The following DNAH7 variants were observed in gnomAD, a reference collection of about 807,000 sequenced individuals.
The protein encoded by DNAH7 is axonemal beta dynein heavy chain 7.
In DNAH7, 397 loss-of-function variants were observed where a neutral mutation model predicts 444.6. The ratio of observed to expected loss-of-function variants is 0.89; its 90% CI spans 0.82 to 0.97. The LOEUF (loss-of-function observed/expected upper bound fraction) is 0.97. Ranked by LOEUF, DNAH7 falls within the 50% of genes least tolerant of loss-of-function variation. DNAH7 has a pLI of 0.00. For synonymous variants in DNAH7, 1,636 were observed against 1,624.4 expected, an observed-to-expected ratio of 1.01 and a Z score of -0.17; for missense variants, 4,902 against 4,800.8, an observed-to-expected ratio of 1.02 and a Z score of -0.62.
At chr2:195,943,056 A>G (rs1689566274) in intron 19 of DNAH7, among the ~76,000 whole-genome samples, 1 of 152,148 alleles carries the variant, frequency 6.6e-6, no homozygotes, top group South Asian at 2.1e-4. Flanking sequence ...GGTTTTATAA[A>G]GGGGAGTTCC....
intron 24 of DNAH7, among the ~76,000 whole-genome samples, chr2:195,915,145 C>G (rs915024115): frequency 1.3e-5 from 2 of 152,042 alleles, no homozygotes; most frequent in Non-Finnish European, 2.9e-5. Flanking sequence ...TAAAGAATAT[C>G]AGATATATCA....
chr2:195,782,081 A>G (rs558751816), intron 58 of DNAH7, among the ~76,000 whole-genome samples: 1 of 152,160 alleles, frequency 6.6e-6, no homozygotes, highest in Non-Finnish European at 1.5e-5. Context: ...GATAATATAT[A>G]TCCACCTAAA....
At chr2:196,008,039 G>T (rs565639657) in intron 10 of DNAH7, among the ~76,000 whole-genome samples, 7 of 152,012 alleles carry the variant, frequency 4.6e-5, no homozygotes, top group African/African-American at 1.4e-4. Context: ...AATATACAAA[G>T]AACTCTTAAA....
At chr2:196,018,833 G>C (rs1259850730) in intron 9 of DNAH7, among the ~76,000 whole-genome samples, 5 of 152,042 alleles carry the variant, frequency 3.3e-5, no homozygotes, top group Non-Finnish European at 7.4e-5. Context: ...TGGATTGTTT[G>C]TAACACAAAG....
intron 1 of DNAH7, among the ~76,000 whole-genome samples, chr2:196,061,712 G>A (rs779920432): frequency 1.3e-5 from 2 of 152,086 alleles, no homozygotes; most frequent in African/African-American, 4.8e-5. Flanking sequence ...AAGAGAGATC[G>A]GGGTGGAGAA....
At chr2:195,771,954 A>G in intron 60 of DNAH7, 64 bp from the exon 61 acceptor site, 1 of 1,342,440 alleles carries the variant, frequency 7.4e-7, no homozygotes, top group Non-Finnish European at 1.1e-6. Context: ...CTGAATAGGA[A>G]AAATCCTAAG....
At chr2:195,885,201 T>C (rs1041803784) in intron 34 of DNAH7, among the ~76,000 whole-genome samples, 43 of 152,194 alleles carry the variant, frequency 2.8e-4, no homozygotes, top group African/African-American at 9.9e-4. Flanking sequence ...AATTTTGATA[T>C]GGTGGGTTTA....
chr2:195,824,167 G>A, intron 49 of DNAH7, 88 bp downstream of exon 49: 1 of 1,258,392 alleles, frequency 7.9e-7, no homozygotes, highest in Non-Finnish European at 1.1e-6. Flanking sequence ...GTTTTTCTTA[G>A]GAAGACTTGT....
intron 10 of DNAH7, 120 bp from the exon 11 acceptor site, chr2:196,001,978 T>C (rs1306793324): frequency 1.2e-5 from 8 of 681,244 alleles, no homozygotes; most frequent in Admixed American, 7.5e-5. Context: ...TATTGCTAAA[T>C]GATATTACCC....
intron 15 of DNAH7, among the ~76,000 whole-genome samples, chr2:195,976,747 C>CAGAGAGAGCGAGAGAGAGAGAG (rs1692216246): frequency 1.1e-5 from 1 of 90,542 alleles, no homozygotes; most frequent in Non-Finnish European, 2.4e-5. Flanking sequence ...GAGAGGCAGA[C>CAGAGAGAGCGAGAGAGAGAGAG]AGAGAGAGAG....
intron 61 of DNAH7, among the ~76,000 whole-genome samples, chr2:195,770,322 C>G (rs1000122412): frequency 6.6e-6 from 1 of 152,150 alleles, no homozygotes; most frequent in South Asian, 2.1e-4. Context: ...CCCTCTGAAG[C>G]CTTCTCTTTA....
At chr2:195,742,202 T>C (rs555954080) in intron 63 of DNAH7, among the ~76,000 whole-genome samples, 1 of 152,302 alleles carries the variant, frequency 6.6e-6, no homozygotes, top group African/African-American at 2.4e-5. Flanking sequence ...TTCTGCGTCT[T>C]TACCTCTGTG....
At chr2:195,914,233 A>G (rs973265326) in intron 24 of DNAH7, among the ~76,000 whole-genome samples, 1 of 152,236 alleles carries the variant, frequency 6.6e-6, no homozygotes, top group African/African-American at 2.4e-5. Flanking sequence ...TTCTCTATCA[A>G]GAGCACTACT....
At chr2:195,896,921 T>A (rs1484872093) in intron 29 of DNAH7, among the ~76,000 whole-genome samples, 1 of 152,104 alleles carries the variant, frequency 6.6e-6, no homozygotes, top group Non-Finnish European at 1.5e-5. Flanking sequence ...CCCCATGACA[T>A]AACAATATCT....
intron 25 of DNAH7, among the ~76,000 whole-genome samples, chr2:195,908,270 T>C (rs1687155840): frequency 6.6e-6 from 1 of 152,052 alleles, no homozygotes; most frequent in Non-Finnish European, 1.5e-5. Flanking sequence ...ATGTGTGCAA[T>C]TTTGCTACAT....
intron 49 of DNAH7, among the ~76,000 whole-genome samples, chr2:195,820,347 T>C (rs1415990811): frequency 1.3e-5 from 2 of 151,548 alleles, no homozygotes; most frequent in Non-Finnish European, 2.9e-5. Context: ...CTAATGCATA[T>C]GGGGCTTAAA....
chr2:195,751,459 A>C (rs888244857), intron 63 of DNAH7, among the ~76,000 whole-genome samples: 1 of 152,226 alleles, frequency 6.6e-6, no homozygotes, highest in Non-Finnish European at 1.5e-5. Context: ...CACTCAAGAA[A>C]GAATGGTGCA....
At chr2:195,894,651 G>A (rs1424456253) in intron 30 of DNAH7, 1 of 178,648 alleles carries the variant, frequency 5.6e-6, no homozygotes, top group Non-Finnish European at 1.2e-5. Flanking sequence ...AATCTATCTA[G>A]AAAATAAAAA....
chr2:195,972,105 T>A (rs1691884467), intron 16 of DNAH7, 137 bp downstream of exon 16: 1 of 690,392 alleles, frequency 1.4e-6, no homozygotes, highest in African/African-American at 1.8e-5. Context: ...CCACTAATAT[T>A]TATAGTGAGA....
Sources: allele counts gnomAD v4.1 joint callset (sites outside exome capture counted in the v4.1 genomes callset), GRCh38; gene constraint gnomAD v4.1.1; transcripts MANE v1.5; gene names NCBI Gene and HGNC (gene_info 2026-07-23, HGNC 2026-07-21).